RALGPS1: variants seen among roughly 807,000 people sequenced by gnomAD.
The protein encoded by RALGPS1 is Ral GEF with PH domain and SH3 binding motif 1, also known as ras-specific guanine nucleotide-releasing factor RalGPS1.
A neutral mutation model predicts 78.8 loss-of-function variants in RALGPS1; 19 were observed. The ratio of observed to expected loss-of-function variants is 0.24; its 90% confidence interval spans 0.17 to 0.35. The LOEUF (loss-of-function observed/expected upper bound fraction) is 0.35. RALGPS1 is among the 10% of genes least tolerant of loss of function. The pLI, the probability that RALGPS1 is intolerant of heterozygous loss-of-function variation, is 1.00. For missense variants in RALGPS1, 454 were observed against 688.3 expected, an observed-to-expected ratio of 0.66 and a Z score of 3.81; for synonymous variants, 228 against 256.3, an observed-to-expected ratio of 0.89 and a Z score of 1.06.
intron 8 of RALGPS1, among the ~76,000 whole-genome samples, chr9:127,103,492 A>G (rs150531622): frequency 6.6e-6 from 1 of 152,258 alleles, no homozygotes. Context: ...TTAGCTATAC[A>G]TTGAAATGCT....
intron 1 of RALGPS1, among the ~76,000 whole-genome samples, chr9:126,927,242 A>G (rs1440293072): frequency 6.6e-6 from 1 of 152,048 alleles, no homozygotes; most frequent in Non-Finnish European, 1.5e-5. Flanking sequence ...ATAGGAGAGG[A>G]TGGGATCACT....
chr9:127,038,798 G>A (rs1403655712), intron 5 of RALGPS1, among the ~76,000 whole-genome samples: 1 of 152,220 alleles, frequency 6.6e-6, no homozygotes, highest in Admixed American at 6.5e-5. Flanking sequence ...CCAGAGTGGG[G>A]TCTGTTCCTT....
At chr9:127,048,505 G>A (rs551760250) in intron 5 of RALGPS1, among the ~76,000 whole-genome samples, 1 of 152,294 alleles carries the variant, frequency 6.6e-6, no homozygotes, top group South Asian at 2.1e-4. Context: ...GGCTCCCAGT[G>A]CCTGGAGCCC....
intron 1 of RALGPS1, among the ~76,000 whole-genome samples, chr9:126,923,943 A>G (rs2035019244): frequency 1.3e-5 from 2 of 152,210 alleles, no homozygotes; most frequent in Admixed American, 6.5e-5. Flanking sequence ...ATCTCTGGCT[A>G]TATCTGCTAT....
chr9:127,144,727 G>T (rs903996966), intron 8 of RALGPS1, among the ~76,000 whole-genome samples: 2 of 152,354 alleles, frequency 1.3e-5, no homozygotes, highest in South Asian at 4.1e-4. Context: ...AAAACGCTAA[G>T]TGAAAGAAGC....
chr9:126,952,715 G>T (rs12554919), intron 1 of RALGPS1, among the ~76,000 whole-genome samples: 7 of 151,516 alleles, frequency 4.6e-5, no homozygotes, highest in Admixed American at 4.6e-4. Context: ...ATGTGCATGC[G>T]TGCATGTGCC....
At chr9:127,012,799 C>G (rs2133938100) in intron 4 of RALGPS1, among the ~76,000 whole-genome samples, 1 of 152,290 alleles carries the variant, frequency 6.6e-6, no homozygotes, top group South Asian at 2.1e-4. Flanking sequence ...TTCCTGGGGT[C>G]TGCTTGGGAT....
chr9:126,994,998 C>T (rs1211415962), intron 4 of RALGPS1, among the ~76,000 whole-genome samples: 1 of 152,170 alleles, frequency 6.6e-6, no homozygotes, highest in African/African-American at 2.4e-5. Context: ...TTTGTCACCA[C>T]CAGGCCTGCC....
At chr9:127,124,261 C>T (rs564455480) in intron 8 of RALGPS1, among the ~76,000 whole-genome samples, 43 of 152,344 alleles carry the variant, frequency 2.8e-4, no homozygotes, top group African/African-American at 1.0e-3. Flanking sequence ...CAGTCTCTAC[C>T]CTGTTCACCA....
intron 4 of RALGPS1, among the ~76,000 whole-genome samples, chr9:127,005,704 G>A (rs1388094526): frequency 1.3e-5 from 2 of 152,114 alleles, no homozygotes; most frequent in Non-Finnish European, 2.9e-5. Context: ...TCTTTGAAAG[G>A]AAAGGAAAAC....
At chr9:127,066,532 T>G (rs1477883353) in intron 7 of RALGPS1, among the ~76,000 whole-genome samples, 1 of 152,132 alleles carries the variant, frequency 6.6e-6, no homozygotes. Flanking sequence ...TCCTAGCTAC[T>G]TGGGAGGCTG....
At chr9:126,937,437 A>T (rs1434917805) in intron 1 of RALGPS1, among the ~76,000 whole-genome samples, 1 of 152,206 alleles carries the variant, frequency 6.6e-6, no homozygotes, top group Non-Finnish European at 1.5e-5. Flanking sequence ...AGTTTTGACT[A>T]TTGGAGATCA....
intron 7 of RALGPS1, 57 bp from the exon 8 acceptor site, chr9:127,069,172 AT>A: frequency 6.8e-7 from 1 of 1,467,768 alleles, no homozygotes. Context: ...ATCCACAGTT[AT>A]CCACTCTTTA....
intron 8 of RALGPS1, among the ~76,000 whole-genome samples, chr9:127,094,906 C>T (rs575439721): frequency 3.3e-5 from 5 of 152,312 alleles, no homozygotes; most frequent in South Asian, 4.1e-4. Context: ...TGCCCATCAA[C>T]TCTGCCCTCC....
intron 7 of RALGPS1, among the ~76,000 whole-genome samples, chr9:127,055,439 A>C (rs2048663543): frequency 6.6e-6 from 1 of 152,168 alleles, no homozygotes; most frequent in African/African-American, 2.4e-5. Flanking sequence ...GCTGGTCTCA[A>C]ACTTCTGGGC....
intron 8 of RALGPS1, among the ~76,000 whole-genome samples, chr9:127,116,686 AC>A (rs2137479274): frequency 6.6e-6 from 1 of 152,254 alleles, no homozygotes; most frequent in South Asian, 2.1e-4. Context: ...GCTTTTCTGG[AC>A]CAGGCTGAGA....
chr9:127,058,782 AACAC>A (rs1318690283), intron 7 of RALGPS1, among the ~76,000 whole-genome samples: 13 of 152,252 alleles, frequency 8.5e-5, no homozygotes, highest in Admixed American at 7.2e-4. Context: ...CATGTACATA[AACAC>A]ACACATACCC....
chr9:126,992,733 G>A (rs1242166097), intron 4 of RALGPS1, among the ~76,000 whole-genome samples: 1 of 152,190 alleles, frequency 6.6e-6, no homozygotes, highest in African/African-American at 2.4e-5. Context: ...TTTTAGTAAT[G>A]TTGTGTAGTT....
chr9:126,929,307 A>G (rs946104805), intron 1 of RALGPS1, among the ~76,000 whole-genome samples: 6 of 152,254 alleles, frequency 3.9e-5, no homozygotes, highest in Non-Finnish European at 5.9e-5. Flanking sequence ...ATGATAGAAA[A>G]TGAAAAGGTA....
Sources: gnomAD v4.1 joint callset for allele counts (sites outside exome capture counted in the v4.1 genomes callset) on GRCh38, gnomAD v4.1.1 for gene constraint, MANE v1.5 for transcripts, NCBI Gene and HGNC (gene_info 2026-07-23, HGNC 2026-07-21) for gene names.